Variants in PPP2R3B observed in about 807,000 individuals in gnomAD.
PPP2R3B encodes the protein protein phosphatase 2 regulatory subunit B''beta.
PPP2R3B carries 68 observed loss-of-function variants against 72.9 expected under a neutral mutation model. That is an observed-to-expected ratio of 0.93 (90% CI 0.77 to 1.14). PPP2R3B has a LOEUF of 1.14. Among genes scored for constraint, PPP2R3B ranks in the 50% most tolerant of loss-of-function variants. The pLI is 0.00. For missense variants in PPP2R3B, 1,018 were observed against 842.0 expected (o/e 1.21, Z -2.59); for synonymous variants, 466 against 375.8 (o/e 1.24, Z -2.78).
At chrX:360,161 C>A (rs548464012) in intron 2 of PPP2R3B, among the ~76,000 whole-genome samples, 11 of 152,080 alleles carry the variant, frequency 7.2e-5, no homozygotes, top group African/African-American at 2.7e-4. Flanking sequence ...AGCGACCATG[C>A]GGAATTTATC....
chrX:376,803 T>C (rs2072007262), intron 1 of PPP2R3B, among the ~76,000 whole-genome samples: 1 of 117,860 alleles, frequency 8.5e-6, no homozygotes, highest in Admixed American at 8.2e-5. Context: ...CATGGGGCTG[T>C]CTATACACTA....
rs751618125 is a variant in PPP2R3B, at chrX:338,232, G to A, written c.1577+372C>T. On this transcript the variant is annotated intron_variant, in intron 12 of 12. Coordinates refer to ENST00000390665, the MANE Select transcript of PPP2R3B (RefSeq NM_013239.5). The stretch of plus-strand genomic sequence containing the variant: ...TCCAAGGCTGGAAGGCCGAAGCGGA[G>A]GCTGGAATGGCCACGGGCCCTGCAG... The A allele has an allele frequency of 1.3e-3, 526 of 405,582 alleles. 10 individuals are homozygous for A. The South Asian group carries it at 0.015, about 11-fold the overall frequency. 25.1% of individuals were successfully genotyped at this position (405,582 alleles called of 1,614,324 possible). A position where few individuals can be genotyped will look rare whatever the true frequency, so the allele number is the denominator to read the frequency against.
intron 2 of PPP2R3B, among the ~76,000 whole-genome samples, chrX:356,101 C>T (rs1416998211): frequency 6.6e-6 from 1 of 152,128 alleles, no homozygotes; most frequent in Admixed American, 6.5e-5. Context: ...GGACGGGACG[C>T]CTGCACACGC....
intron 1 of PPP2R3B, chrX:374,186 G>A (rs2071938623): frequency 6.6e-6 from 1 of 152,160 alleles, no homozygotes; most frequent in African/African-American, 2.4e-5. Flanking sequence ...GGACGGCCTC[G>A]GGGACCCAGG....
chrX:336,689 G>A (rs1352641083), intron 12 of PPP2R3B: 1 of 152,226 alleles, frequency 6.6e-6, no homozygotes. Flanking sequence ...TTTCATGAAG[G>A]TGCAAAACAC....
chrX:362,595 C>G (rs891190986), intron 1 of PPP2R3B, among the ~76,000 whole-genome samples: 2 of 152,012 alleles, frequency 1.3e-5, no homozygotes, highest in African/African-American at 4.8e-5. Flanking sequence ...GCGTCCTCCT[C>G]CTCCTCCATC....
chrX:338,189 C>CCAGGGCCTCT (rs1416447946), intron 12 of PPP2R3B: 10 of 341,920 alleles, frequency 2.9e-5, no homozygotes, highest in African/African-American at 1.5e-4. Flanking sequence ...AGCAACCAGC[C>CCAGGGCCTCT]CAGGGCCTCT....
At chrX:368,421 C>A (rs1393928923) in intron 1 of PPP2R3B, among the ~76,000 whole-genome samples, 1 of 74,040 alleles carries the variant, frequency 1.4e-5, no homozygotes, top group Non-Finnish European at 2.6e-5. Flanking sequence ...ACGGGGAAGG[C>A]CGGGACCACC....
At chrX:355,146 C>T (rs1254189269) in intron 2 of PPP2R3B, among the ~76,000 whole-genome samples, 4 of 152,132 alleles carry the variant, frequency 2.6e-5, no homozygotes, top group Admixed American at 6.5e-5. Flanking sequence ...CTGGTAGAGC[C>T]GATGACTGAG....
At chrX:340,344 G>A (rs908385210) in intron 10 of PPP2R3B, among the ~76,000 whole-genome samples, 15 of 151,450 alleles carry the variant, frequency 9.9e-5, no homozygotes, top group South Asian at 2.1e-4. Flanking sequence ...TCGACGCCCC[G>A]AATAGGAGGT....
At chrX:379,542 T>A (rs35146153) in intron 1 of PPP2R3B, among the ~76,000 whole-genome samples, 32,442 of 152,176 alleles carry the variant, frequency 0.21, 4,033 homozygotes, top group Non-Finnish European at 0.28. Flanking sequence ...TCTAATGTTC[T>A]AGAATGCTGG....
chrX:361,482 T>C lies in PPP2R3B; in HGVS notation c.433A>G (p.Ile145Val). Residue 145 changes from isoleucine (I) to valine (V), a missense_variant, in exon 2 of 13, where the codon ATC (isoleucine) becomes GTC (valine). Physicochemically the swap from Ile to Val is conservative, Grantham distance 29. Coordinates refer to ENST00000390665, the MANE Select transcript of PPP2R3B (RefSeq NM_013239.5). ...GCGAAGGTGCTCTCGATCTTGCTGATGACGGCATCCACGTTGACGGAGTCC... is the reference window on the plus strand; with the variant it reads ...GCGAAGGTGCTCTCGATCTTGCTGACGACGGCATCCACGTTGACGGAGTCC... ...PQDSVNVDAV[I>V]SKIESTFARF... The C allele has an allele frequency of 1.2e-6, 2 of 1,614,008 alleles. No individual in the cohort carries two copies. Among genetic ancestry groups the C allele is most frequent in the Non-Finnish European group, 1.7e-6 (2 of 1,179,866 alleles).
chrX:381,845 G>A (rs182743342), intron 1 of PPP2R3B, among the ~76,000 whole-genome samples: 392 of 151,956 alleles, frequency 2.6e-3, no homozygotes, highest in African/African-American at 8.5e-3. Flanking sequence ...TGATCCGCCC[G>A]CCTCGGCCTC....
At chrX:383,837 C>CAAAA (rs757960788) in intron 1 of PPP2R3B, among the ~76,000 whole-genome samples, 2,708 of 45,418 alleles carry the variant, frequency 0.06, 256 homozygotes, top group Non-Finnish European at 0.092. Flanking sequence ...GACTCCGTCT[C>CAAAA]AAAAAAAAAA....
Position 348,575 on chromosome X carries a change from C to CAAAAAAAA in PPP2R3B, c.511-883_511-882insTTTTTTTT, listed in dbSNP as rs558039195. The stretch of plus-strand genomic sequence containing the variant: ...TGGGTGACAGAGAGAGACTCTGTCT[C>CAAAAAAAA]AAAAAAAGAGCAAATACAGATTAGC... On this transcript the variant is annotated intron_variant, in intron 2 of 12. Transcript: ENST00000390665. 3.4e-5 allele frequency among the ~76,000 whole-genome samples: 4 copies of CAAAAAAAA among 118,706 alleles called. No individual in the cohort carries two copies. The South Asian group carries it at 1.1e-3, about 33-fold the overall frequency. 77.9% of individuals were successfully genotyped at this position (118,706 alleles called of 152,430 possible).
rs755341643 is a variant in PPP2R3B at position 386,577 on chromosome X, T to G, written c.115A>C (p.Ile39Leu). Residue 39 changes from isoleucine to leucine, a missense_variant, in exon 1 of 13, where the codon ATC (isoleucine) becomes CTC (leucine). Ile to Leu is a conservative substitution (Grantham distance 5). Transcript: ENST00000390665. Reference protein sequence around the residue: ...QRMLQDCLRRIKAPGRDQPTP... With the variant: ...QRMLQDCLRRLKAPGRDQPTP... Reference sequence around the variant, plus strand: ...GGCTGGTCCCGCCCGGGCGCCTTGATCCGGCGCAGGCAGTCCTGCAGCATC... The same window carrying G: ...GGCTGGTCCCGCCCGGGCGCCTTGAGCCGGCGCAGGCAGTCCTGCAGCATC... 4.8e-6 allele frequency: 7 copies of G among 1,448,234 alleles called. No individual in the cohort carries two copies. The South Asian group carries it at 7.9e-5, about 16-fold the overall frequency. The allele number at this position is 1,448,234 out of a possible 1,614,324, so 89.7% of individuals were successfully genotyped here.
At chrX:367,383 A>G (rs148931864) in intron 1 of PPP2R3B, among the ~76,000 whole-genome samples, 1,959 of 151,708 alleles carry the variant, frequency 0.013, 40 homozygotes, top group African/African-American at 0.045. Context: ...AGTTGGAGGA[A>G]AAGATACTGA....
intron 1 of PPP2R3B, among the ~76,000 whole-genome samples, chrX:370,062 GAGAGGGCTGGT>G (rs1295689800): frequency 6.6e-6 from 1 of 152,184 alleles, no homozygotes; most frequent in Non-Finnish European, 1.5e-5. Context: ...GGGACCCTCT[GAGAGGGCTGGT>G]AGAGGGCTGC....
rs1291185063 is a variant in PPP2R3B, at chrX:346,176, G to C, written c.877C>G (p.Gln293Glu). Reference protein sequence around the residue: ...CAELRRSSFLQNVALLEEEAD... With the variant: ...CAELRRSSFLENVALLEEEAD... ...GGGGACAGGGGGCCGCTCCGCACCT[G>C]CAGGAAGGAGCTCCTCCGCAGCTCG... Residue 293 changes from glutamine to glutamate, a missense_variant and splice_region_variant, in exon 6 of 13, where the codon CAG becomes GAG. Gln to Glu is a conservative substitution (Grantham distance 29). Coordinates refer to ENST00000390665, the MANE Select transcript of PPP2R3B (RefSeq NM_013239.5). The C allele has an allele frequency of 3.9e-6, 6 of 1,556,598 alleles. No individual in the cohort carries two copies. The highest frequency in any genetic ancestry group is 8.7e-7 in the Non-Finnish European group (1 of 1,153,416).
Sources: allele counts gnomAD v4.1 joint callset (sites outside exome capture counted in the v4.1 genomes callset), GRCh38; gene constraint gnomAD v4.1.1; transcripts MANE v1.5; gene names NCBI Gene and HGNC (gene_info 2026-07-23, HGNC 2026-07-21).